The following TMEM167A variants were observed in gnomAD, a reference collection of about 807,000 sequenced individuals.
The protein encoded by TMEM167A is protein kish-A.
A neutral mutation model predicts 11.6 loss-of-function variants in TMEM167A; 8 were observed. That is an observed-to-expected ratio of 0.69 (90% confidence interval 0.40 to 1.24). The LOEUF (loss-of-function observed/expected upper bound fraction) is 1.24. Among genes scored for constraint, TMEM167A ranks in the 50% most tolerant of loss-of-function variants. The pLI, the probability that TMEM167A is intolerant of heterozygous loss-of-function variation, is 0.01. For synonymous variants in TMEM167A, 22 were observed against 28.0 expected (o/e 0.79, Z 0.67); for missense variants, 62 against 87.0 (o/e 0.71, Z 1.14).
chr5:83,068,252 T>TA (rs1212838941), intron 1 of TMEM167A, among the ~76,000 whole-genome samples: 1 of 151,922 alleles, frequency 6.6e-6, no homozygotes, highest in Non-Finnish European at 1.5e-5. Context: ...CAGTGGGGAT[T>TA]AAAAAAAAGG....
At chr5:83,057,275 T>A in intron 3 of TMEM167A, 121 bp from the exon 4 acceptor site, 1 of 810,370 alleles carries the variant, frequency 1.2e-6, no homozygotes, top group Non-Finnish European at 2.0e-6. Flanking sequence ...ACATTGGGGG[T>A]GGGGCAGTGA....
rs931537127 is a variant in TMEM167A at position 83,055,675 on chromosome 5, C to T, written c.*1409G>A. On this transcript the variant is annotated 3_prime_UTR_variant, in exon 4 of 4. Coordinates refer to ENST00000502346, the MANE Select transcript of TMEM167A (RefSeq NM_174909.5). ...AAACAAAAAACCACCACAGGCAACACACAAGCTTAAGATGTTTCCTAGAAT... is the reference window on the plus strand; with the variant it reads ...AAACAAAAAACCACCACAGGCAACATACAAGCTTAAGATGTTTCCTAGAAT... 2.0e-5 allele frequency: 3 copies of T among 151,964 alleles called. No homozygotes were observed. Among genetic ancestry groups the T allele is most frequent in the Non-Finnish European group, 2.9e-5 (2 of 67,938 alleles). The allele number at this position is 151,964 out of a possible 1,614,324, so 9.4% of individuals were successfully genotyped here.
chr5:83,067,918 T>C (rs1744507652), intron 1 of TMEM167A, among the ~76,000 whole-genome samples: 2 of 152,204 alleles, frequency 1.3e-5, no homozygotes, highest in Non-Finnish European at 2.9e-5. Context: ...TTAATACTTG[T>C]TTTTCTATGC....
At chr5:83,062,365 TTAAA>T (rs1334411209) in intron 2 of TMEM167A, among the ~76,000 whole-genome samples, 1 of 152,208 alleles carries the variant, frequency 6.6e-6, no homozygotes, top group Non-Finnish European at 1.5e-5. Flanking sequence ...AGCTCTAAAG[TTAAA>T]TAATCTATAA....
chr5:83,071,037 A>G lies in TMEM167A; in HGVS notation c.4-5920T>C, dbSNP rs542908321. On this transcript the variant is annotated intron_variant, in intron 1 of 3. Transcript: ENST00000502346. The stretch of plus-strand genomic sequence containing the variant: ...TGAGAAAAGCAGAAGAAATATACAC[A>G]TCAATATGCTAAACAAGCTGTGGCT... Among the ~76,000 whole-genome samples the G allele has an allele frequency of 7.9e-5, 12 of 152,304 alleles. No homozygotes were observed. The East Asian group carries it at 2.1e-3, about 27-fold the overall frequency.
chr5:83,057,119 T>C lies in TMEM167A; in HGVS notation c.184A>G (p.Ile62Val). Residue 62 changes from isoleucine (I) to valine (V), a missense_variant, in exon 4 of 4, where the codon ATA (isoleucine) becomes GTA (valine). Ile to Val is a conservative substitution (Grantham distance 29). Transcript: ENST00000502346. ...AAGAGGATGCTGAAGGCCATTACTA[T>C]ACAGCATACTGCAACATAAGGACTC... ...RKSPYVAVCCIVMAFSILFIQ is the reference protein window; with the variant it reads ...RKSPYVAVCCVVMAFSILFIQ 1 of 1,612,242 alleles carries C rather than the reference T, an allele frequency of 6.2e-7. No individual in the cohort carries two copies. The highest frequency in any genetic ancestry group is 1.1e-5 in the South Asian group (1 of 91,028).
chr5:83,057,785 T>C (rs889508714), intron 3 of TMEM167A, among the ~76,000 whole-genome samples: 1 of 152,146 alleles, frequency 6.6e-6, no homozygotes, highest in African/African-American at 2.4e-5. Context: ...TCAGTCAATT[T>C]TTCACATGCA....
In TMEM167A at chr5:83,057,169, G is replaced by A. The variant is rs767470835; in HGVS notation, c.149-15C>T. The A allele has an allele frequency of 4.3e-6, 7 of 1,610,270 alleles. No individual in the cohort carries two copies. The South Asian group carries it at 4.4e-5, about 10-fold the overall frequency. On this transcript the variant is annotated splice_polypyrimidine_tract_variant and intron_variant, in intron 3 of 3. Coordinates refer to ENST00000502346, the MANE Select transcript of TMEM167A (RefSeq NM_174909.5). ...CTTCCGTTCACCTGTTGAAAAAAAG[G>A]AGATGTTCATCTTGATTAACTGAGT...
At position 83,061,929 on chromosome 5, in the gene TMEM167A, AG is replaced by A; in HGVS notation, c.114-19del. On this transcript the variant is annotated intron_variant, in intron 2 of 3. Coordinates refer to ENST00000502346, the MANE Select transcript of TMEM167A (RefSeq NM_174909.5). ...CCAACAATCTGCATAGAATAAAAAA[AG>A]AAAAAAAGTAGCTATTGATTACTCG... 6.2e-7 allele frequency: 1 copy of A among 1,607,086 alleles called. No homozygotes were observed. The highest frequency in any genetic ancestry group is 8.5e-7 in the Non-Finnish European group (1 of 1,174,192).
intron 3 of TMEM167A, among the ~76,000 whole-genome samples, chr5:83,061,249 C>T (rs1177196715): frequency 1.3e-5 from 2 of 152,144 alleles, no homozygotes; most frequent in Admixed American, 1.3e-4. Flanking sequence ...AAATGGTATA[C>T]ATTATACACA....
At chr5:83,072,357 C>T (rs1448736666) in intron 1 of TMEM167A, among the ~76,000 whole-genome samples, 1 of 152,106 alleles carries the variant, frequency 6.6e-6, no homozygotes, top group African/African-American at 2.4e-5. Flanking sequence ...AGAGCAAAGC[C>T]TGCTGTAAAG....
chr5:83,061,851 A>C (rs1332294269), intron 3 of TMEM167A, 26 bp downstream of exon 3: 2 of 1,596,846 alleles, frequency 1.3e-6, no homozygotes, highest in East Asian at 4.5e-5. Context: ...CAGCTGAAGA[A>C]ATGGAGGGAG....
chr5:83,071,005 GAAAC>G (rs1385585839), intron 1 of TMEM167A, among the ~76,000 whole-genome samples: 4 of 152,024 alleles, frequency 2.6e-5, no homozygotes, highest in Non-Finnish European at 4.4e-5. Context: ...CAAAAAGAAA[GAAAC>G]AATGAGAAAA....
At chr5:83,077,244 G>A (rs1744696504) in intron 1 of TMEM167A, 77 bp downstream of exon 1, 11 of 1,609,424 alleles carry the variant, frequency 6.8e-6, no homozygotes, top group South Asian at 2.2e-5. Flanking sequence ...CCGGGCTGCC[G>A]CACAAACTCC....
intron 1 of TMEM167A, among the ~76,000 whole-genome samples, chr5:83,069,739 AG>A (rs897196304): frequency 6.6e-6 from 1 of 152,126 alleles, no homozygotes; most frequent in African/African-American, 2.4e-5. Context: ...TATTCTATTG[AG>A]GTTTTCATCA....
chr5:83,075,402 C>T (rs1744626483), intron 1 of TMEM167A, among the ~76,000 whole-genome samples: 1 of 152,138 alleles, frequency 6.6e-6, no homozygotes. Context: ...TTCATGCTGA[C>T]AGTTGTAAAT....
intron 3 of TMEM167A, among the ~76,000 whole-genome samples, chr5:83,060,057 C>T (rs1001083680): frequency 6.7e-6 from 1 of 149,546 alleles, no homozygotes; most frequent in Non-Finnish European, 1.5e-5. Flanking sequence ...CCATTGAGTA[C>T]CTGACTTCAA....
rs954845646 is a variant in TMEM167A, at chr5:83,055,864, T to G, written c.*1220A>C. On this transcript the variant is annotated 3_prime_UTR_variant, in exon 4 of 4. Coordinates refer to ENST00000502346, the MANE Select transcript of TMEM167A (RefSeq NM_174909.5). Reference sequence around the variant, plus strand: ...TTTATCTTTATGATGAATTAATAGCTGCAAACAATCTAATTAATACTATCT... The same window carrying G: ...TTTATCTTTATGATGAATTAATAGCGGCAAACAATCTAATTAATACTATCT... 4 of 152,024 alleles carry G rather than the reference T, an allele frequency of 2.6e-5. No individual in the cohort carries two copies. Among genetic ancestry groups the G allele is most frequent in the African/African-American group, 9.7e-5 (4 of 41,432 alleles). 9.4% of individuals were successfully genotyped at this position (152,024 alleles called of 1,614,324 possible).
chr5:83,059,997 C>A, intron 3 of TMEM167A, among the ~76,000 whole-genome samples: 1 of 101,530 alleles, frequency 9.8e-6, no homozygotes, highest in African/African-American at 4.4e-5. Context: ...AGACCTATCA[C>A]CGTAAGAGAG....
Sources: gnomAD v4.1 joint callset for allele counts (sites outside exome capture counted in the v4.1 genomes callset) on GRCh38, gnomAD v4.1.1 for gene constraint, MANE v1.5 for transcripts, NCBI Gene and HGNC (gene_info 2026-07-23, HGNC 2026-07-21) for gene names.